Variants in TAFA5 observed in about 807,000 individuals in gnomAD.
TAFA5 encodes chemokine-like protein TAFA-5.
A neutral mutation model predicts 15.3 loss-of-function variants in TAFA5; 6 were observed. The ratio of observed to expected loss-of-function variants is 0.39; its 90% CI spans 0.21 to 0.77. TAFA5 has a LOEUF of 0.77. TAFA5 is among the 30% of genes least tolerant of loss of function. TAFA5 has a pLI of 0.41. For synonymous variants in TAFA5, 103 were observed against 80.7 expected, an observed-to-expected ratio of 1.28 and a Z score of -1.48; for missense variants, 161 against 193.1, an observed-to-expected ratio of 0.83 and a Z score of 0.98.
intron 1 of TAFA5, among the ~76,000 whole-genome samples, chr22:48,591,243 C>T (rs1035183196): frequency 7.2e-5 from 11 of 152,242 alleles, no homozygotes; most frequent in African/African-American, 2.4e-4. Flanking sequence ...TTCTTCTTGT[C>T]TCTGGGATGG....
chr22:48,679,251 C>T (rs1200672849), intron 2 of TAFA5, among the ~76,000 whole-genome samples: 1 of 128,010 alleles, frequency 7.8e-6, no homozygotes, highest in Non-Finnish European at 1.6e-5. Context: ...CCCCGTCCAT[C>T]CCTCTCCCGG....
chr22:48,680,098 T>A (rs906762922), intron 2 of TAFA5, among the ~76,000 whole-genome samples: 1 of 152,118 alleles, frequency 6.6e-6, no homozygotes, highest in African/African-American at 2.4e-5. Context: ...GCAGCCCCGG[T>A]GGGTGTGGAT....
intron 1 of TAFA5, among the ~76,000 whole-genome samples, chr22:48,580,910 T>A (rs1302933934): frequency 6.6e-6 from 1 of 151,944 alleles, no homozygotes; most frequent in Non-Finnish European, 1.5e-5. Flanking sequence ...TGATGAGGTG[T>A]GCAGGCAGAC....
At chr22:48,617,947 T>A (rs992551348) in intron 1 of TAFA5, among the ~76,000 whole-genome samples, 1 of 152,232 alleles carries the variant, frequency 6.6e-6, no homozygotes, top group Non-Finnish European at 1.5e-5. Context: ...GTTGTTACTC[T>A]TAAGAGCCCT....
chr22:48,716,536 G>A (rs182412269), intron 3 of TAFA5, among the ~76,000 whole-genome samples: 586 of 152,284 alleles, frequency 3.8e-3, no homozygotes, highest in Non-Finnish European at 5.5e-3. Context: ...GGGGCCAGGG[G>A]AGGGAAAGCA....
intron 2 of TAFA5, among the ~76,000 whole-genome samples, chr22:48,678,249 G>A (rs1049922813): frequency 1.9e-4 from 29 of 152,198 alleles, no homozygotes; most frequent in African/African-American, 7.0e-4. Context: ...GGGCCCCCAG[G>A]GAGGGGCTCT....
At chr22:48,590,454 T>G (rs929539529) in intron 1 of TAFA5, among the ~76,000 whole-genome samples, 1 of 152,216 alleles carries the variant, frequency 6.6e-6, no homozygotes, top group Non-Finnish European at 1.5e-5. Context: ...GATGGGAGGT[T>G]TCTTTTTAGC....
intron 3 of TAFA5, among the ~76,000 whole-genome samples, chr22:48,719,156 C>A (rs771096087): frequency 1.3e-5 from 2 of 152,234 alleles, no homozygotes; most frequent in Non-Finnish European, 2.9e-5. Context: ...GCCAGGGGCC[C>A]TGGCCTGCAC....
At chr22:48,617,346 C>G (rs937326279) in intron 1 of TAFA5, among the ~76,000 whole-genome samples, 6 of 151,412 alleles carry the variant, frequency 4.0e-5, no homozygotes, top group Non-Finnish European at 8.9e-5. Flanking sequence ...ACAGATTCTC[C>G]CCAGAGACCT....
At chr22:48,620,142 G>A (rs1254005384) in intron 1 of TAFA5, among the ~76,000 whole-genome samples, 1 of 152,110 alleles carries the variant, frequency 6.6e-6, no homozygotes, top group Non-Finnish European at 1.5e-5. Context: ...TCTGGGATGG[G>A]GGCAGGGTGG....
intron 2 of TAFA5, among the ~76,000 whole-genome samples, chr22:48,648,322 C>T (rs566780270): frequency 6.6e-6 from 1 of 152,304 alleles, no homozygotes; most frequent in Admixed American, 6.5e-5. Flanking sequence ...CCCACTCCCC[C>T]TGTGGGGGCT....
intron 1 of TAFA5, among the ~76,000 whole-genome samples, chr22:48,507,007 G>A (rs886883756): frequency 2.6e-5 from 4 of 152,082 alleles, no homozygotes; most frequent in East Asian, 1.9e-4. Context: ...GGAGAACCCC[G>A]TGGCTGAGCC....
At chr22:48,595,890 A>G (rs1285541810) in intron 1 of TAFA5, among the ~76,000 whole-genome samples, 1 of 152,252 alleles carries the variant, frequency 6.6e-6, no homozygotes, top group East Asian at 1.9e-4. Context: ...ATGCAAAACA[A>G]TCTGTAAGTA....
intron 2 of TAFA5, chr22:48,693,512 C>T: frequency 1.3e-6 from 2 of 1,514,580 alleles, no homozygotes; most frequent in East Asian, 4.9e-5. Context: ...CCAGAGGAGA[C>T]CAGCAGGTGA....
chr22:48,631,470 G>A (rs903158956), intron 1 of TAFA5, among the ~76,000 whole-genome samples: 1 of 152,228 alleles, frequency 6.6e-6, no homozygotes, highest in Non-Finnish European at 1.5e-5. Flanking sequence ...TGAGTGGCTC[G>A]CGTGGATATT....
intron 2 of TAFA5, among the ~76,000 whole-genome samples, chr22:48,676,443 G>A (rs896980520): frequency 6.6e-6 from 1 of 152,236 alleles, no homozygotes; most frequent in Non-Finnish European, 1.5e-5. Flanking sequence ...TCCCTGCTTT[G>A]TCTTTCCTGT....
At chr22:48,724,024 G>T (rs1280011630) in intron 3 of TAFA5, among the ~76,000 whole-genome samples, 4 of 152,220 alleles carry the variant, frequency 2.6e-5, no homozygotes, top group Admixed American at 6.5e-5. Context: ...TGTGCAACAG[G>T]AAAGACTCGG....
intron 1 of TAFA5, among the ~76,000 whole-genome samples, chr22:48,538,542 T>C (rs1296428911): frequency 6.6e-6 from 1 of 152,260 alleles, no homozygotes; most frequent in East Asian, 1.9e-4. Context: ...GCACTGGTGC[T>C]GCCTGACAAG....
intron 3 of TAFA5, among the ~76,000 whole-genome samples, chr22:48,735,729 G>C (rs1249176336): frequency 6.6e-6 from 1 of 151,560 alleles, no homozygotes; most frequent in African/African-American, 2.4e-5. Context: ...CCCTCCTAGA[G>C]TCCACAGAGT....
Sources: allele counts gnomAD v4.1 joint callset (sites outside exome capture counted in the v4.1 genomes callset), GRCh38; gene constraint gnomAD v4.1.1; transcripts MANE v1.5; gene names NCBI Gene and HGNC (gene_info 2026-07-23, HGNC 2026-07-21).